ECSCR: variants seen among roughly 807,000 people sequenced by gnomAD.
ECSCR encodes the protein endothelial cell surface expressed chemotaxis and apoptosis regulator.
Under a neutral mutation model 16.7 loss-of-function variants are expected in ECSCR, and 12 were observed. The ratio of observed to expected loss-of-function variants is 0.72; its 90% CI spans 0.46 to 1.17. ECSCR has a LOEUF of 1.17. Ranked by LOEUF, ECSCR falls within the 50% of genes most tolerant of loss-of-function variation. ECSCR has a pLI of 0.00. For synonymous variants in ECSCR, 44 were observed against 42.2 expected (o/e 1.04, Z -0.17); for missense variants, 122 against 116.1 (o/e 1.05, Z -0.23).
chr5:139,457,410 T>C, intron 4 of ECSCR, 135 bp downstream of exon 4: 2 of 716,384 alleles, frequency 2.8e-6, no homozygotes, highest in Non-Finnish European at 5.2e-6. Context: ...ACCCTGCATG[T>C]CATCCTCAGT....
chr5:139,457,549 G>C lies in ECSCR; in HGVS notation c.213C>G (p.Thr71=). 3 of 785,674 alleles carry C rather than the reference G, an allele frequency of 3.8e-6. No individual in the cohort carries two copies. In the South Asian group the frequency reaches 4.0e-5, roughly 11 times the overall value. 48.7% of individuals were successfully genotyped at this position (785,674 alleles called of 1,614,324 possible). A position where few individuals can be genotyped will look rare whatever the true frequency, so the allele number is the denominator to read the frequency against. Residue 71 remains threonine (T), a synonymous_variant, in exon 4 of 10, where the codon ACC becomes ACG. Transcript: ENST00000618155. ...NRPSHLSSTG[T]PGAGVPSSGR... Reference sequence around the variant, plus strand: ...GTAGTCTGAATGACACAGTACCTGGGGTACCAGTGCTGGACAGATGGCTTG... The same window carrying C: ...GTAGTCTGAATGACACAGTACCTGGCGTACCAGTGCTGGACAGATGGCTTG...
chr5:139,460,223 C>T (rs1243674134), intron 1 of ECSCR, among the ~76,000 whole-genome samples: 5 of 152,018 alleles, frequency 3.3e-5, no homozygotes, highest in East Asian at 3.9e-4. Context: ...GCAACCTCCG[C>T]CTCCCGGGCT....
At chr5:139,451,701 C>T (rs1248085246) in intron 8 of ECSCR, among the ~76,000 whole-genome samples, 1 of 81,562 alleles carries the variant, frequency 1.2e-5, no homozygotes, top group African/African-American at 4.9e-5. Flanking sequence ...TGTGGGTATG[C>T]GTGGTGTGTT....
chr5:139,461,989 G>C (rs968302188), intron 1 of ECSCR, among the ~76,000 whole-genome samples: 11 of 152,192 alleles, frequency 7.2e-5, no homozygotes, highest in African/African-American at 2.7e-4. Context: ...GGCAGAGCCT[G>C]TCAGAGAGGT....
At chr5:139,460,242 T>A (rs1369293158) in intron 1 of ECSCR, among the ~76,000 whole-genome samples, 1 of 152,056 alleles carries the variant, frequency 6.6e-6, no homozygotes, top group East Asian at 1.9e-4. Context: ...CTCAAGCTAT[T>A]CTCCTGTCTC....
Position 139,448,885 on chromosome 5 carries a change from G to A in ECSCR, c.*15C>T. 1.3e-6 allele frequency: 2 copies of A among 1,537,232 alleles called. No homozygotes were observed. The highest frequency in any genetic ancestry group is 1.2e-5 in the South Asian group (1 of 84,050). On this transcript the variant is annotated 3_prime_UTR_variant, in exon 10 of 10. Transcript: ENST00000618155. ...GCTGCATCATCCTTGGACTCATGGG[G>A]ACCCAAAGTTGCTTTTAAAGAACCT...
chr5:139,449,895 A>T (rs773191063), intron 8 of ECSCR, among the ~76,000 whole-genome samples: 1 of 136,854 alleles, frequency 7.3e-6, no homozygotes, highest in African/African-American at 2.8e-5. Flanking sequence ...TAAAGCCTCA[A>T]TTTTTTTTTT....
chr5:139,461,989 G>A (rs968302188), intron 1 of ECSCR, among the ~76,000 whole-genome samples: 4 of 152,192 alleles, frequency 2.6e-5, no homozygotes, highest in African/African-American at 9.7e-5. Context: ...GGCAGAGCCT[G>A]TCAGAGAGGT....
At chr5:139,458,601 C>T (rs1229359654) in intron 1 of ECSCR, among the ~76,000 whole-genome samples, 1 of 148,650 alleles carries the variant, frequency 6.7e-6, no homozygotes, top group African/African-American at 2.5e-5. Context: ...AATCCCAGCA[C>T]TTAGGGAGGC....
intron 4 of ECSCR, 139 bp downstream of exon 4, chr5:139,457,406 C>T: frequency 4.2e-6 from 3 of 708,532 alleles, no homozygotes; most frequent in Non-Finnish European, 7.9e-6. Flanking sequence ...TCTCACCCTG[C>T]ATGTCATCCT....
At chr5:139,451,843 G>A (rs1181837060) in intron 8 of ECSCR, among the ~76,000 whole-genome samples, 1 of 147,080 alleles carries the variant, frequency 6.8e-6, no homozygotes, top group Admixed American at 6.8e-5. Flanking sequence ...TGCATGTGTA[G>A]TATAGGATGT....
intron 1 of ECSCR, among the ~76,000 whole-genome samples, chr5:139,458,509 A>C (rs1286112465): frequency 1.9e-3 from 24 of 12,562 alleles, no homozygotes; most frequent in Admixed American, 2.7e-3. Flanking sequence ...ACAAAAAAAA[A>C]AAAAAAAAAA....
chr5:139,455,814 TAAAAAA>T (rs1187505493), intron 5 of ECSCR, among the ~76,000 whole-genome samples: 2 of 49,034 alleles, frequency 4.1e-5, no homozygotes, highest in Non-Finnish European at 3.6e-5. Context: ...CCATCTCTCC[TAAAAAA>T]AAAAAAAAAA....
At chr5:139,456,679 C>G (rs1009934318) in intron 4 of ECSCR, among the ~76,000 whole-genome samples, 161 bp from the exon 5 acceptor site, 10 of 152,206 alleles carry the variant, frequency 6.6e-5, no homozygotes, top group African/African-American at 9.6e-5. Context: ...CTTCTCCTCC[C>G]TCTCCTCTCT....
intron 1 of ECSCR, among the ~76,000 whole-genome samples, chr5:139,458,573 G>A (rs187842179): frequency 6.8e-6 from 1 of 147,276 alleles, no homozygotes; most frequent in African/African-American, 2.5e-5. Flanking sequence ...CTGGCCAGGT[G>A]CGGTGGTTCA....
rs1212678337 is a variant in ECSCR at position 139,458,131 on chromosome 5, G to C, written c.106+8C>G. 4.5e-6 allele frequency: 7 copies of C among 1,549,328 alleles called. No individual in the cohort carries two copies. Among genetic ancestry groups the C allele is most frequent in the Non-Finnish European group, 6.1e-6 (7 of 1,146,734 alleles). Reference sequence around the variant, plus strand: ...CACGCTGGAGTAGACCCATGTGTTTGGTCTTACCCTGAGAGCTAGAGGTCT... The same window carrying C: ...CACGCTGGAGTAGACCCATGTGTTTCGTCTTACCCTGAGAGCTAGAGGTCT... On this transcript the variant is annotated splice_region_variant and intron_variant, in intron 2 of 9. Coordinates refer to ENST00000618155, the MANE Select transcript of ECSCR (RefSeq NM_001077693.4).
At chr5:139,450,692 C>G (rs181412258) in intron 8 of ECSCR, among the ~76,000 whole-genome samples, 4 of 150,990 alleles carry the variant, frequency 2.6e-5, no homozygotes, top group Non-Finnish European at 4.4e-5. Context: ...AGGAGAATCA[C>G]TTGAACCTGG....
intron 1 of ECSCR, among the ~76,000 whole-genome samples, chr5:139,460,347 G>A (rs1471656879): frequency 1.3e-5 from 2 of 152,100 alleles, no homozygotes; most frequent in African/African-American, 4.8e-5. Flanking sequence ...TGTTGGCCAG[G>A]CTGGTCTCAA....
intron 4 of ECSCR, among the ~76,000 whole-genome samples, chr5:139,456,854 C>T (rs1751168976): frequency 6.6e-6 from 1 of 152,196 alleles, no homozygotes; most frequent in Non-Finnish European, 1.5e-5. Flanking sequence ...AGAAGGAACC[C>T]ATCCAGATGG....
Sources: gnomAD v4.1 joint callset for allele counts (sites outside exome capture counted in the v4.1 genomes callset) on GRCh38, gnomAD v4.1.1 for gene constraint, MANE v1.5 for transcripts, NCBI Gene and HGNC (gene_info 2026-07-23, HGNC 2026-07-21) for gene names.